The following THSD7B variants were observed in gnomAD, a reference collection of about 807,000 sequenced individuals.
THSD7B encodes the protein thrombospondin type-1 domain-containing protein 7B.
A neutral mutation model predicts 213.6 loss-of-function variants in THSD7B; 138 were observed. The ratio of observed to expected loss-of-function variants is 0.65; its 90% CI spans 0.56 to 0.74. The LOEUF is 0.74. THSD7B is among the 30% of genes least tolerant of loss of function. The pLI is 0.00. For synonymous variants in THSD7B, 742 were observed against 687.0 expected (o/e 1.08, Z -1.25); for missense variants, 1,931 against 1,991.5 (o/e 0.97, Z 0.58).
At chr2:137,232,204 G>T (rs1573901538) in intron 8 of THSD7B, among the ~76,000 whole-genome samples, 1 of 152,194 alleles carries the variant, frequency 6.6e-6, no homozygotes, top group Non-Finnish European at 1.5e-5. Context: ...TTTTTATATG[G>T]ATATAAAAAT....
At chr2:136,854,138 G>A (rs1683140086) in intron 1 of THSD7B, among the ~76,000 whole-genome samples, 1 of 152,104 alleles carries the variant, frequency 6.6e-6, no homozygotes, top group Admixed American at 6.5e-5. Flanking sequence ...CACATTGGTA[G>A]TGAAATGTCA....
At chr2:137,133,506 T>A (rs1010711118) in intron 5 of THSD7B, among the ~76,000 whole-genome samples, 3 of 152,068 alleles carry the variant, frequency 2.0e-5, no homozygotes, top group African/African-American at 4.8e-5. Context: ...TTTTTTTTTT[T>A]AAATGCTGGT....
At chr2:136,947,374 A>G (rs1684960898) in intron 2 of THSD7B, among the ~76,000 whole-genome samples, 1 of 152,152 alleles carries the variant, frequency 6.6e-6, no homozygotes, top group Non-Finnish European at 1.5e-5. Flanking sequence ...AAGGAATTAA[A>G]TTTCAAATAA....
At chr2:137,290,833 G>T (rs1683318615) in intron 12 of THSD7B, among the ~76,000 whole-genome samples, 2 of 152,100 alleles carry the variant, frequency 1.3e-5, no homozygotes, top group African/African-American at 4.8e-5. Flanking sequence ...AATCCCGTCT[G>T]TTCCATCTTC....
chr2:136,890,419 T>C (rs1217242225), intron 2 of THSD7B, among the ~76,000 whole-genome samples: 2 of 2,258 alleles, frequency 8.9e-4, no homozygotes, highest in Non-Finnish European at 1.3e-3. Context: ...CTTCTTCTTC[T>C]TCTTCTTCTT....
At chr2:137,648,509 C>G (rs1256088976) in intron 21 of THSD7B, among the ~76,000 whole-genome samples, 1 of 152,134 alleles carries the variant, frequency 6.6e-6, no homozygotes, top group East Asian at 1.9e-4. Flanking sequence ...GCTTATTTCA[C>G]TTAATGAGCT....
intron 7 of THSD7B, among the ~76,000 whole-genome samples, chr2:137,220,142 T>C (rs1207879747): frequency 1.3e-5 from 2 of 152,060 alleles, no homozygotes; most frequent in African/African-American, 2.4e-5. Context: ...TATTTTTAAA[T>C]ACAAACTGAA....
At chr2:137,022,360 C>G (rs1393374889) in intron 2 of THSD7B, among the ~76,000 whole-genome samples, 1 of 152,072 alleles carries the variant, frequency 6.6e-6, no homozygotes. Flanking sequence ...GTTGTCATTA[C>G]TTTTTTATTT....
chr2:136,821,195 A>G (rs1682558261), intron 1 of THSD7B, among the ~76,000 whole-genome samples: 1 of 148,732 alleles, frequency 6.7e-6, no homozygotes, highest in Non-Finnish European at 1.5e-5. Flanking sequence ...ACGTATTTAC[A>G]TGGACTATTT....
At chr2:137,539,230 C>A (rs1341796326) in intron 15 of THSD7B, among the ~76,000 whole-genome samples, 1 of 151,560 alleles carries the variant, frequency 6.6e-6, no homozygotes, top group African/African-American at 2.4e-5. Flanking sequence ...CCTTAGGGGC[C>A]AAGTGCTAAG....
chr2:137,289,929 C>A (rs1192181479), intron 12 of THSD7B, among the ~76,000 whole-genome samples: 2 of 151,892 alleles, frequency 1.3e-5, no homozygotes, highest in Non-Finnish European at 2.9e-5. Flanking sequence ...AAAGAAAATC[C>A]TTTTTTCTTT....
At chr2:137,576,775 C>T (rs1390422891) in intron 17 of THSD7B, among the ~76,000 whole-genome samples, 1 of 149,524 alleles carries the variant, frequency 6.7e-6, no homozygotes, top group African/African-American at 2.5e-5. Context: ...TATAATTAAG[C>T]ATTTGAGGTT....
intron 17 of THSD7B, among the ~76,000 whole-genome samples, chr2:137,615,408 T>G (rs960822810): frequency 3.9e-5 from 6 of 152,094 alleles, no homozygotes; most frequent in Non-Finnish European, 8.8e-5. Flanking sequence ...TGGAGGACAG[T>G]GGAAAGAAGA....
chr2:136,905,784 G>A (rs1684150186), intron 2 of THSD7B, among the ~76,000 whole-genome samples: 3 of 152,192 alleles, frequency 2.0e-5, no homozygotes. Flanking sequence ...ATGTAAAATT[G>A]AGGGAGCATG....
At chr2:137,579,158 G>A (rs2105243115) in intron 17 of THSD7B, among the ~76,000 whole-genome samples, 1 of 152,208 alleles carries the variant, frequency 6.6e-6, no homozygotes, top group East Asian at 1.9e-4. Context: ...TTTTCAAAAT[G>A]GTAGCACCAT....
chr2:136,871,396 A>G (rs1297289754), intron 1 of THSD7B, among the ~76,000 whole-genome samples: 1 of 152,206 alleles, frequency 6.6e-6, no homozygotes, highest in South Asian at 2.1e-4. Flanking sequence ...ACACCCATCT[A>G]GAGGTTAAAA....
At chr2:136,979,830 T>C (rs10182957) in intron 2 of THSD7B, among the ~76,000 whole-genome samples, 11,280 of 152,242 alleles carry the variant, frequency 0.074, 653 homozygotes, top group African/African-American at 0.15. Flanking sequence ...TTGTGATCAT[T>C]TGGAGAAGAG....
chr2:137,554,303 T>C (rs1240072341), intron 15 of THSD7B, among the ~76,000 whole-genome samples: 1 of 152,138 alleles, frequency 6.6e-6, no homozygotes, highest in Non-Finnish European at 1.5e-5. Context: ...CTTCACCTTA[T>C]GTCTTGCGAA....
At chr2:137,094,777 A>G in intron 3 of THSD7B, 96 bp from the exon 4 acceptor site, 1 of 1,469,566 alleles carries the variant, frequency 6.8e-7, no homozygotes, top group East Asian at 2.3e-5. Context: ...CGCTTAAATC[A>G]AATTTCAGAG....
Sources: gnomAD v4.1 joint callset for allele counts (sites outside exome capture counted in the v4.1 genomes callset) on GRCh38, gnomAD v4.1.1 for gene constraint, MANE v1.5 for transcripts, NCBI Gene and HGNC (gene_info 2026-07-23, HGNC 2026-07-21) for gene names.